Variants in NARS1 observed in about 807,000 individuals in gnomAD.
NARS1 encodes asparaginyl-tRNA synthetase 1.
In NARS1, 65 loss-of-function variants were observed where a neutral mutation model predicts 79.2. The observed-to-expected ratio is 0.82, with a 90% CI of 0.67 to 1.01. The LOEUF (loss-of-function observed/expected upper bound fraction) is 1.01. Ranked by LOEUF, NARS1 falls within the 50% of genes least tolerant of loss-of-function variation. The pLI, the probability that NARS1 is intolerant of heterozygous loss-of-function variation, is 0.00. For synonymous variants in NARS1, 229 were observed against 238.8 expected (o/e 0.96, Z 0.38); for missense variants, 649 against 673.8 (o/e 0.96, Z 0.41).
intron 4 of NARS1, 152 bp downstream of exon 4, chr18:57,615,489 A>G (rs1907983399): frequency 1.7e-5 from 10 of 572,950 alleles, no homozygotes; most frequent in Non-Finnish European, 2.4e-5. Context: ...GCGACAGAGC[A>G]AGACTCCGTC....
intron 13 of NARS1, among the ~76,000 whole-genome samples, chr18:57,602,065 A>G (rs2051511889): frequency 6.6e-6 from 1 of 152,236 alleles, no homozygotes; most frequent in South Asian, 2.1e-4. Flanking sequence ...GTCAATGTCT[A>G]TTTATAAGAG....
chr18:57,613,730 A>G, intron 4 of NARS1, 50 bp from the exon 5 acceptor site: 1 of 1,478,432 alleles, frequency 6.8e-7, no homozygotes, highest in South Asian at 1.2e-5. Flanking sequence ...ATTTATACAC[A>G]CCAACTTTTT....
chr18:57,619,739 G>C (rs1908225254), intron 2 of NARS1, among the ~76,000 whole-genome samples: 1 of 152,048 alleles, frequency 6.6e-6, no homozygotes, highest in African/African-American at 2.4e-5. Context: ...TCTCAGGCTA[G>C]AGTGCAGTGG....
chr18:57,613,611 G>A lies in NARS1; in HGVS notation c.412C>T (p.Arg138Cys), dbSNP rs140827136. ...AAGCTTTGCCATTTACCTTGCCTGC[G>A]CAGCCTGTGGACCCAGCCAAACACC... ...VKVFGWVHRL[R>C]RQGKNLMFLV... The change falls in exon 5 of 14, where the codon CGC becomes TGC. Residue 138 changes from arginine to cysteine, a missense_variant. By Grantham distance (180) the Arg-to-Cys change is radical. Transcript: ENST00000256854. The A allele has an allele frequency of 4.7e-5, 76 of 1,613,280 alleles. No homozygotes were observed. The highest frequency in any genetic ancestry group is 5.9e-5 in the Non-Finnish European group (70 of 1,179,546).
At chr18:57,602,013 A>T (rs984200498) in intron 13 of NARS1, among the ~76,000 whole-genome samples, 3 of 152,222 alleles carry the variant, frequency 2.0e-5, no homozygotes, top group African/African-American at 7.2e-5. Flanking sequence ...GGGAATAAGT[A>T]CTACCCTGGA....
In NARS1 at chr18:57,610,065, T is replaced by C. The variant is rs116860016; in HGVS notation, c.493-622A>G. ...AACAACAAACAAACAAACAAAACCA[T>C]ACAGAGCCCATCTACACTATAATCA... On this transcript the variant is annotated intron_variant, in intron 6 of 13. Coordinates refer to ENST00000256854, the MANE Select transcript of NARS1 (RefSeq NM_004539.4). Among the ~76,000 whole-genome samples, 31 of 150,264 alleles carry C rather than the reference T, an allele frequency of 2.1e-4. No homozygotes were observed. In the East Asian group the frequency reaches 5.5e-3, roughly 27 times the overall value.
intron 13 of NARS1, 115 bp from the exon 14 acceptor site, chr18:57,601,898 A>G: frequency 9.2e-7 from 1 of 1,087,804 alleles, no homozygotes. Flanking sequence ...TTAAGAATTC[A>G]ACTATGGCCA....
intron 4 of NARS1, 145 bp from the exon 5 acceptor site, chr18:57,613,825 C>T: frequency 1.6e-6 from 1 of 636,620 alleles, no homozygotes; most frequent in African/African-American, 1.8e-5. Flanking sequence ...CAGCTCAGAA[C>T]CAAACGCATT....
intron 10 of NARS1, among the ~76,000 whole-genome samples, chr18:57,606,215 G>A (rs903561018): frequency 3.3e-5 from 5 of 151,634 alleles, no homozygotes; most frequent in African/African-American, 1.2e-4. Context: ...TGGGGGTGGT[G>A]GTGGGCTCCT....
intron 7 of NARS1, among the ~76,000 whole-genome samples, chr18:57,608,601 G>A (rs2122434595): frequency 6.6e-6 from 1 of 152,226 alleles, no homozygotes; most frequent in Admixed American, 6.5e-5. Context: ...GGATGATTCA[G>A]GAATTCCGTA....
At position 57,620,637 on chromosome 18, in the gene NARS1, A is replaced by T; in HGVS notation, c.25T>A (p.Ser9Thr). 1.2e-6 allele frequency: 2 copies of T among 1,613,326 alleles called. No homozygotes were observed. The highest frequency in any genetic ancestry group is 1.7e-6 in the Non-Finnish European group (2 of 1,179,412). ...GTGGCATCGCTTCCCTCTCGGTCAGAGACGTACAGCTCTGCTGTTTGACAA... is the reference window on the plus strand; with the variant it reads ...GTGGCATCGCTTCCCTCTCGGTCAGTGACGTACAGCTCTGCTGTTTGACAA... MVLAELYV[S>T]DREGSDATGD... The change falls in exon 2 of 14, where the codon TCT becomes ACT. Residue 9 changes from serine to threonine, a missense_variant. Physicochemically the swap from Ser to Thr is moderately conservative, Grantham distance 58. Transcript: ENST00000256854.
intron 6 of NARS1, among the ~76,000 whole-genome samples, chr18:57,609,977 G>C (rs951755338): frequency 1.3e-5 from 2 of 152,092 alleles, no homozygotes; most frequent in African/African-American, 4.8e-5. Context: ...GGCCTGGGAA[G>C]TCGAGGCTGC....
chr18:57,604,993 T>A (rs2051540914), intron 11 of NARS1, among the ~76,000 whole-genome samples: 3 of 152,076 alleles, frequency 2.0e-5, no homozygotes, highest in African/African-American at 7.2e-5. Flanking sequence ...CTCCAAGACC[T>A]TCTCTCTTGG....
chr18:57,618,214 A>G (rs388694), intron 2 of NARS1, among the ~76,000 whole-genome samples: 86,652 of 149,712 alleles, frequency 0.58, 25,189 homozygotes, highest in South Asian at 0.7. Flanking sequence ...GCTTGAACCC[A>G]GAAGGCAGAG....
chr18:57,621,230 GTT>G (rs1908284602), intron 1 of NARS1, among the ~76,000 whole-genome samples: 2 of 150,558 alleles, frequency 1.3e-5, no homozygotes, highest in Non-Finnish European at 3.0e-5. Context: ...GGTCTGAACA[GTT>G]AACATCCATC....
chr18:57,613,882 C>T (rs2051626258), intron 4 of NARS1, among the ~76,000 whole-genome samples: 1 of 152,158 alleles, frequency 6.6e-6, no homozygotes. Flanking sequence ...AAATCCAAGT[C>T]TTCTTTCTTA....
Position 57,606,744 on chromosome 18 carries a change from G to A in NARS1, c.1009C>T (p.His337Tyr). 3 of 1,614,132 alleles carry A rather than the reference G, an allele frequency of 1.9e-6. No homozygotes were observed. The highest frequency in any genetic ancestry group is 2.5e-6 in the Non-Finnish European group (3 of 1,180,016). ...AGGAAAGGACACTCAGCTTCCACGT[G>A]AGTGTACCTGAAGAACGAGACAATA... Reference protein sequence around the residue: ...RTRRHLAEYTHVEAECPFLTF... With the variant: ...RTRRHLAEYTYVEAECPFLTF... The change falls in exon 10 of 14, where the codon CAC becomes TAC. Residue 337 changes from histidine to tyrosine, a missense_variant. Transcript: ENST00000256854.
chr18:57,608,343 A>G (rs2051577940), intron 7 of NARS1, among the ~76,000 whole-genome samples: 1 of 147,768 alleles, frequency 6.8e-6, no homozygotes, highest in East Asian at 2.1e-4. Flanking sequence ...CCAGCTACTC[A>G]GGAGAATCGC....
intron 12 of NARS1, 52 bp downstream of exon 12, chr18:57,602,760 C>A: frequency 6.3e-7 from 1 of 1,583,688 alleles, no homozygotes; most frequent in Non-Finnish European, 8.6e-7. Context: ...GATGACAGTC[C>A]CCACCCCCTT....
Sources: gnomAD v4.1 joint callset for allele counts (sites outside exome capture counted in the v4.1 genomes callset) on GRCh38, gnomAD v4.1.1 for gene constraint, MANE v1.5 for transcripts, NCBI Gene and HGNC (gene_info 2026-07-23, HGNC 2026-07-21) for gene names.